Variants in NFIA observed in about 807,000 individuals in gnomAD.
NFIA encodes the protein nuclear factor 1 A-type.
A neutral mutation model predicts 62.8 loss-of-function variants in NFIA; 8 were observed. The ratio of observed to expected loss-of-function variants is 0.13; its 90% CI spans 0.07 to 0.23. NFIA has a LOEUF of 0.23. Among genes scored for constraint, NFIA ranks in the 10% least tolerant of loss-of-function variants. NFIA has a pLI of 1.00. For missense variants in NFIA, 410 were observed against 642.1 expected (o/e 0.64, Z 3.91); for synonymous variants, 235 against 238.1 (o/e 0.99, Z 0.12).
intron 2 of NFIA, among the ~76,000 whole-genome samples, chr1:61,163,481 C>A (rs1360836273): frequency 6.6e-6 from 1 of 152,064 alleles, no homozygotes; most frequent in Admixed American, 6.5e-5. Flanking sequence ...GTAAAGCATT[C>A]AGCACTTTGC....
intron 10 of NFIA, among the ~76,000 whole-genome samples, chr1:61,453,465 T>C (rs1490769280): frequency 2.0e-5 from 3 of 148,264 alleles, no homozygotes; most frequent in Admixed American, 6.7e-5. Context: ...TTTTTTTTTT[T>C]TTGCTTTGCT....
chr1:61,406,865 G>A, intron 9 of NFIA, 138 bp downstream of exon 9: 1 of 1,048,418 alleles, frequency 9.5e-7, no homozygotes, highest in Non-Finnish European at 1.3e-6. Flanking sequence ...GAGTTTGCCA[G>A]ACCGAGAATC....
intron 2 of NFIA, among the ~76,000 whole-genome samples, chr1:61,123,005 T>G (rs1646912525): frequency 6.6e-6 from 1 of 152,210 alleles, no homozygotes; most frequent in Admixed American, 6.5e-5. Context: ...TGGATTCTTC[T>G]AGAGAGATTC....
intron 2 of NFIA, among the ~76,000 whole-genome samples, chr1:61,113,978 C>G (rs1646753258): frequency 6.6e-6 from 1 of 152,024 alleles, no homozygotes; most frequent in African/African-American, 2.4e-5. Flanking sequence ...AAGGATTAAT[C>G]ATGAAGTCCA....
intron 2 of NFIA, among the ~76,000 whole-genome samples, chr1:61,175,128 G>GATT (rs66989543): frequency 0.022 from 3,293 of 150,108 alleles, 126 homozygotes; most frequent in African/African-American, 0.077. Context: ...TTTCTGTATT[G>GATT]ATTATTATTA....
intron 2 of NFIA, among the ~76,000 whole-genome samples, chr1:61,130,171 A>G (rs1647049527): frequency 6.6e-6 from 1 of 152,196 alleles, no homozygotes; most frequent in South Asian, 2.1e-4. Context: ...ACTTTGTATT[A>G]AAACAGTTTT....
At chr1:61,085,688 A>G (rs78560532) in intron 1 of NFIA, among the ~76,000 whole-genome samples, 1 of 152,176 alleles carries the variant, frequency 6.6e-6, no homozygotes, top group Admixed American at 6.5e-5. Flanking sequence ...TACATTAGAA[A>G]AAATCAATAC....
At chr1:61,186,635 A>T (rs563585748) in intron 2 of NFIA, among the ~76,000 whole-genome samples, 204 of 152,342 alleles carry the variant, frequency 1.3e-3, no homozygotes, top group Non-Finnish European at 1.4e-3. Flanking sequence ...GACAGCAAAG[A>T]TGCCTTATAG....
At chr1:61,396,282 G>C (rs958101455) in intron 7 of NFIA, among the ~76,000 whole-genome samples, 1 of 152,076 alleles carries the variant, frequency 6.6e-6, no homozygotes, top group Non-Finnish European at 1.5e-5. Flanking sequence ...GTCTTGCTCT[G>C]TCACCCAGGC....
chr1:61,307,381 C>T (rs949549526), intron 3 of NFIA, among the ~76,000 whole-genome samples: 21 of 152,120 alleles, frequency 1.4e-4, no homozygotes, highest in African/African-American at 3.6e-4. Flanking sequence ...GTAATAAATC[C>T]GTTGGTGCCT....
At chr1:61,184,106 TG>T (rs3833520) in intron 2 of NFIA, among the ~76,000 whole-genome samples, 26 of 101,826 alleles carry the variant, frequency 2.6e-4, no homozygotes, top group Middle Eastern at 6.3e-3. Context: ...GTAAGGTTTA[TG>T]GGGGGGGGAA....
chr1:61,327,156 GT>G lies in NFIA; in HGVS notation c.626-5352del, dbSNP rs1363072899. 3.3e-5 allele frequency among the ~76,000 whole-genome samples: 5 copies of G among 149,490 alleles called. No individual in the cohort carries two copies. In the Admixed American group the frequency reaches 3.3e-4, roughly 10 times the overall value. Reference sequence around the variant, plus strand: ...TAGTTTCCCAGTGCAGATCAGCTCAGTTTTAGTTTAAACTATATTGCTGCAA... The same window carrying G: ...TAGTTTCCCAGTGCAGATCAGCTCAGTTTAGTTTAAACTATATTGCTGCAA... On this transcript the variant is annotated intron_variant, in intron 3 of 10. Coordinates refer to ENST00000403491, the MANE Select transcript of NFIA (RefSeq NM_001134673.4).
In NFIA at chr1:61,350,891, C is replaced by A. The variant is rs898003394; in HGVS notation, c.701-1559C>A. On this transcript the variant is annotated intron_variant, in intron 4 of 10. Transcript: ENST00000403491. ...GAGGCCATTCCCTTGAACTTCTTAT[C>A]CCCAGGTTGGGTTAGATAACCCACT... Among the ~76,000 whole-genome samples, 8 of 152,286 alleles carry A rather than the reference C, an allele frequency of 5.3e-5. No homozygotes were observed. The East Asian group carries it at 1.5e-3, about 29-fold the overall frequency.
At chr1:61,398,055 G>A (rs966719796) in intron 7 of NFIA, among the ~76,000 whole-genome samples, 2 of 152,136 alleles carry the variant, frequency 1.3e-5, no homozygotes, top group African/African-American at 2.4e-5. Flanking sequence ...GAATTTTGTG[G>A]GTCTACACCA....
intron 10 of NFIA, among the ~76,000 whole-genome samples, chr1:61,453,628 GAATT>G (rs1158400368): frequency 6.6e-6 from 1 of 151,928 alleles, no homozygotes; most frequent in Non-Finnish European, 1.5e-5. Flanking sequence ...AAGAAGTCTG[GAATT>G]TCACAACCGA....
intron 2 of NFIA, among the ~76,000 whole-genome samples, chr1:61,185,831 C>T: frequency 6.6e-6 from 1 of 151,952 alleles, no homozygotes; most frequent in South Asian, 2.1e-4. Context: ...AAAGAGTGTT[C>T]TGTCTAAAAT....
chr1:61,224,464 T>C (rs1654206726), intron 2 of NFIA, among the ~76,000 whole-genome samples: 1 of 152,184 alleles, frequency 6.6e-6, no homozygotes, highest in East Asian at 1.9e-4. Flanking sequence ...TGGAATCCTT[T>C]TTTCATGCAA....
chr1:61,143,864 C>T lies in NFIA; in HGVS notation c.559+55184C>T, dbSNP rs183385982. 9.8e-5 allele frequency among the ~76,000 whole-genome samples: 15 copies of T among 152,298 alleles called. No individual in the cohort carries two copies. In the East Asian group the frequency reaches 2.9e-3, roughly 29 times the overall value. On this transcript the variant is annotated intron_variant, in intron 2 of 10. Coordinates refer to ENST00000403491, the MANE Select transcript of NFIA (RefSeq NM_001134673.4). ...AAAGGTGGTGTTAACAGTACCCATA[C>T]GTTGACATAAGGCCTCTGAGAGGCC...
intron 3 of NFIA, among the ~76,000 whole-genome samples, chr1:61,286,527 C>A (rs1169307315): frequency 6.6e-6 from 1 of 151,882 alleles, no homozygotes; most frequent in Admixed American, 6.6e-5. Flanking sequence ...CTCTTGAGAA[C>A]CTGATAGTCT....
Sources: gnomAD v4.1 joint callset for allele counts (sites outside exome capture counted in the v4.1 genomes callset) on GRCh38, gnomAD v4.1.1 for gene constraint, MANE v1.5 for transcripts, NCBI Gene and HGNC (gene_info 2026-07-23, HGNC 2026-07-21) for gene names.